Variants in CDH23 observed in about 807,000 individuals in gnomAD.
CDH23 encodes the protein cadherin related 23.
CDH23 carries 189 observed loss-of-function variants against 317.1 expected under a neutral mutation model. That is an observed-to-expected ratio of 0.60 (90% CI 0.53 to 0.67). CDH23 has a LOEUF of 0.67. Among genes scored for constraint, CDH23 ranks in the 30% least tolerant of loss-of-function variants. The pLI is 0.00. For missense variants in CDH23, 4,401 were observed against 4,592.4 expected (o/e 0.96, Z 1.20); for synonymous variants, 1,839 against 1,876.8 (o/e 0.98, Z 0.52).
chr10:71,469,486 C>T (rs114607497), intron 3 of CDH23, among the ~76,000 whole-genome samples: 1,569 of 152,268 alleles, frequency 0.01, 28 homozygotes, highest in African/African-American at 0.034. Context: ...TCCTTTTTAT[C>T]GTTGAGTTAT....
intron 9 of CDH23, among the ~76,000 whole-genome samples, chr10:71,594,429 A>G (rs562633026): frequency 1.3e-5 from 2 of 151,328 alleles, no homozygotes; most frequent in South Asian, 2.1e-4. Flanking sequence ...GCTGGAGTGC[A>G]ATGGCACAAT....
At chr10:71,800,298 C>T (rs903487106) in intron 52 of CDH23, among the ~76,000 whole-genome samples, 34 of 152,204 alleles carry the variant, frequency 2.2e-4, no homozygotes, top group African/African-American at 8.2e-4. Context: ...GCACTCTGCC[C>T]TTTCAGCGGG....
At chr10:71,670,909 G>T (rs540681252) in intron 14 of CDH23, among the ~76,000 whole-genome samples, 84 of 152,038 alleles carry the variant, frequency 5.5e-4, no homozygotes, top group Non-Finnish European at 5.4e-4. Flanking sequence ...AACACCAGAG[G>T]GAGGAGCCTG....
At chr10:71,571,002 G>GT in intron 8 of CDH23, 84 bp downstream of exon 8, 1 of 1,513,018 alleles carries the variant, frequency 6.6e-7, no homozygotes, top group Non-Finnish European at 9.1e-7. Flanking sequence ...GGCCCTGTTA[G>GT]TGGGCTGGGC....
chr10:71,435,841 A>G (rs1004928903), intron 1 of CDH23, among the ~76,000 whole-genome samples: 1 of 152,234 alleles, frequency 6.6e-6, no homozygotes, highest in Non-Finnish European at 1.5e-5. Context: ...GCTGCTCACC[A>G]TGGCCTGGGT....
chr10:71,706,841 C>G, intron 25 of CDH23, 56 bp from the exon 26 acceptor site: 2 of 1,538,790 alleles, frequency 1.3e-6, no homozygotes, highest in Non-Finnish European at 1.8e-6. Flanking sequence ...TGCTCTGGAG[C>G]TGGGTCTTCT....
At chr10:71,659,418 G>A (rs558224887) in intron 14 of CDH23, among the ~76,000 whole-genome samples, 4 of 152,304 alleles carry the variant, frequency 2.6e-5, no homozygotes, top group Admixed American at 2.0e-4. Flanking sequence ...CAGGTGGGTA[G>A]GGGACCCACA....
intron 1 of CDH23, among the ~76,000 whole-genome samples, chr10:71,432,232 G>C (rs982606083): frequency 2.0e-5 from 3 of 147,142 alleles, no homozygotes; most frequent in African/African-American, 8.2e-5. Flanking sequence ...GTGTGTTTGA[G>C]AATGTGTGTG....
intron 6 of CDH23, among the ~76,000 whole-genome samples, chr10:71,540,373 G>A (rs1855920265): frequency 6.6e-6 from 1 of 152,112 alleles, no homozygotes; most frequent in South Asian, 2.1e-4. Context: ...CTGCAGGCAT[G>A]CCTGTATGGG....
chr10:71,451,544 T>A (rs1324772340), intron 3 of CDH23, among the ~76,000 whole-genome samples: 1 of 152,250 alleles, frequency 6.6e-6, no homozygotes, highest in Non-Finnish European at 1.5e-5. Context: ...TTTGCAGCTG[T>A]TGTTCCTGCT....
intron 3 of CDH23, among the ~76,000 whole-genome samples, chr10:71,494,606 C>T (rs1245321615): frequency 1.3e-5 from 2 of 152,158 alleles, no homozygotes; most frequent in Admixed American, 6.5e-5. Context: ...AGAGTGTCTC[C>T]CATACGGTAG....
At chr10:71,681,610 C>T (rs1445953977) in intron 17 of CDH23, among the ~76,000 whole-genome samples, 1 of 152,074 alleles carries the variant, frequency 6.6e-6, no homozygotes, top group Non-Finnish European at 1.5e-5. Context: ...ATGAAGAGCC[C>T]ATAGCATAAA....
chr10:71,588,852 C>G (rs938861968), intron 9 of CDH23, among the ~76,000 whole-genome samples: 1 of 152,232 alleles, frequency 6.6e-6, no homozygotes, highest in African/African-American at 2.4e-5. Context: ...GGCACCCTCT[C>G]TAGCCCCTGA....
At chr10:71,493,907 C>G (rs1252026332) in intron 3 of CDH23, among the ~76,000 whole-genome samples, 2 of 152,148 alleles carry the variant, frequency 1.3e-5, no homozygotes, top group Non-Finnish European at 2.9e-5. Flanking sequence ...ACCTACCTGC[C>G]TTCTTATATA....
chr10:71,803,289 G>C lies in CDH23; in HGVS notation c.7741G>C (p.Val2581Leu). ...GTCCTACGAGAAGTTCAGTCTGACC[G>C]TGGTGGCCACAGATGGTGGAGAGCC... is the stretch of plus-strand genomic sequence containing the variant. Reference protein sequence around the residue: ...LQSYEKFSLTVVATDGGEPPL... With the variant: ...LQSYEKFSLTLVATDGGEPPL... The change falls in exon 55 of 70, where the codon GTG becomes CTG. Residue 2581 changes from valine (V) to leucine (L), a missense_variant. By Grantham distance (32) the Val-to-Leu change is conservative. Around this residue, in one of 3 missense-constraint regions of CDH23, gnomAD observed 1,144 missense variants for 1,138.2 expected, o/e 1.01. Coordinates refer to ENST00000224721, the MANE Select transcript of CDH23 (RefSeq NM_022124.6). 6.3e-7 allele frequency: 1 copy of C among 1,590,376 alleles called. No individual in the cohort carries two copies. Among genetic ancestry groups the C allele is most frequent in the Non-Finnish European group, 8.6e-7 (1 of 1,168,072 alleles).
intron 11 of CDH23, chr10:71,623,077 G>A: frequency 2.6e-6 from 1 of 389,900 alleles, no homozygotes; most frequent in Non-Finnish European, 3.5e-6. Flanking sequence ...CTGAGCTGAA[G>A]ATGTAGCCTC....
At chr10:71,793,727 C>A in intron 48 of CDH23, 87 bp downstream of exon 48, 1 of 1,018,346 alleles carries the variant, frequency 9.8e-7, no homozygotes, top group South Asian at 1.7e-5. Context: ...TCTCCTTTCT[C>A]TTTCTTTGCT....
chr10:71,454,757 A>G (rs1336449888), intron 3 of CDH23, among the ~76,000 whole-genome samples: 1 of 152,180 alleles, frequency 6.6e-6, no homozygotes, highest in African/African-American at 2.4e-5. Context: ...ATTTTCTACC[A>G]TCAGAGTGAA....
At chr10:71,715,983 C>T (rs762461206) in intron 28 of CDH23, 8 of 1,491,318 alleles carry the variant, frequency 5.4e-6, no homozygotes, top group African/African-American at 2.8e-5. Flanking sequence ...CGGTTGTCCT[C>T]GGGGCCCGGC....
Sources: gnomAD v4.1 joint callset for allele counts (sites outside exome capture counted in the v4.1 genomes callset) on GRCh38, gnomAD v4.1.1 for gene constraint, gnomAD v4.1.1 regional missense constraint, MANE v1.5 for transcripts, NCBI Gene and HGNC (gene_info 2026-07-23, HGNC 2026-07-21) for gene names.